Variants in ZNF425 observed in about 807,000 individuals in gnomAD.
The protein encoded by ZNF425 is zinc finger protein 425.
A neutral mutation model predicts 17.0 loss-of-function variants in ZNF425; 21 were observed. The ratio of observed to expected loss-of-function variants is 1.23; its 90% CI spans 0.88 to 1.78. The LOEUF is 1.78. Ranked by LOEUF, ZNF425 falls within the 40% of genes most tolerant of loss-of-function variation. ZNF425 has a pLI of 0.00. For synonymous variants in ZNF425, 433 were observed against 384.1 expected (o/e 1.13, Z -1.49); for missense variants, 868 against 967.3 (o/e 0.90, Z 1.36).
At chr7:149,118,173 T>G in intron 2 of ZNF425, 49 bp downstream of exon 2, 1 of 1,611,114 alleles carries the variant, frequency 6.2e-7, no homozygotes, top group Non-Finnish European at 8.5e-7. Context: ...GGAAGCCTGG[T>G]ACTATTAGGT....
chr7:149,122,910 G>A (rs554198051), intron 1 of ZNF425, among the ~76,000 whole-genome samples: 26 of 152,216 alleles, frequency 1.7e-4, no homozygotes, highest in Non-Finnish European at 1.0e-4. Flanking sequence ...GGCCAGGCTG[G>A]TCTTGAACTC....
At position 149,115,100 on chromosome 7, in the gene ZNF425, ATTTTTTT is replaced by A. The variant is rs71192755; in HGVS notation, c.146-2812_146-2806del. On this transcript the variant is annotated intron_variant, in intron 2 of 3. Coordinates refer to ENST00000378061, the MANE Select transcript of ZNF425 (RefSeq NM_001001661.3). Reference sequence around the variant, plus strand: ...CAGACGTGTGCCACCACGCTGGCTAATTTTTTTTTTTTTTTTTTTTTGTATTTTTAGT... The same window carrying A: ...CAGACGTGTGCCACCACGCTGGCTAATTTTTTTTTTTTTTGTATTTTTAGT... Among the ~76,000 whole-genome samples, 49 of 123,866 alleles carry A rather than the reference ATTTTTTT, an allele frequency of 4.0e-4. 1 individual carries two copies. In the South Asian group the frequency reaches 4.2e-3, roughly 11 times the overall value. 81.3% of individuals were successfully genotyped at this position (123,866 alleles called of 152,430 possible).
Position 149,103,194 on chromosome 7 carries a change from G to A in ZNF425, c.*418C>T, listed in dbSNP as rs1011676357. 20 of 166,452 alleles carry A rather than the reference G, an allele frequency of 1.2e-4. No individual in the cohort carries two copies. Among genetic ancestry groups the A allele is most frequent in the Admixed American group, 4.1e-4 (7 of 17,162 alleles). The allele number at this position is 166,452 out of a possible 1,614,324, so 10.3% of individuals were successfully genotyped here. On this transcript the variant is annotated 3_prime_UTR_variant, in exon 4 of 4. Transcript: ENST00000378061. ...GTTCTGCAGACCACACACCTGTCCA[G>A]TGTGTCTGTAGCCAGTATTTTGTGA...
rs10242924 is a variant in ZNF425, at chr7:149,108,631, C to T, written c.305-3065G>A. Among the ~76,000 whole-genome samples, 1,494 of 152,200 alleles carry T rather than the reference C, an allele frequency of 9.8e-3. 27 individuals carry two copies. Among genetic ancestry groups the T allele is most frequent in the African/African-American group, 0.034 (1,399 of 41,536 alleles). Reference sequence around the variant, plus strand: ...TTCCAGGACTGGGTGTGGTGGCTCACGCCTGTAATCCCAGCACTTTGGGAG... The same window carrying T: ...TTCCAGGACTGGGTGTGGTGGCTCATGCCTGTAATCCCAGCACTTTGGGAG... On this transcript the variant is annotated intron_variant, in intron 3 of 3. Transcript: ENST00000378061.
At chr7:149,122,079 C>CTTTTTTTTT (rs1187182130) in intron 1 of ZNF425, among the ~76,000 whole-genome samples, 10 of 129,094 alleles carry the variant, frequency 7.7e-5, no homozygotes, top group African/African-American at 2.1e-4. Context: ...CCACCGCCGG[C>CTTTTTTTTT]TTTTTTTTTT....
intron 2 of ZNF425, among the ~76,000 whole-genome samples, chr7:149,117,472 C>T (rs1826284164): frequency 6.6e-6 from 1 of 151,968 alleles, no homozygotes; most frequent in Admixed American, 6.6e-5. Flanking sequence ...TGCATCCCAG[C>T]TTATTCTCAC....
chr7:149,122,419 G>A (rs376321290), intron 1 of ZNF425, among the ~76,000 whole-genome samples: 8 of 151,770 alleles, frequency 5.3e-5, no homozygotes, highest in East Asian at 1.9e-4. Context: ...GCCTAGCTGA[G>A]CTCTTTATGT....
intron 1 of ZNF425, among the ~76,000 whole-genome samples, chr7:149,123,933 C>T (rs1826405217): frequency 1.3e-5 from 2 of 150,108 alleles, no homozygotes; most frequent in South Asian, 4.2e-4. Flanking sequence ...CTGCAAGCTC[C>T]GCCTCCCGGG....
intron 1 of ZNF425, among the ~76,000 whole-genome samples, chr7:149,120,697 A>G (rs566609988): frequency 4.7e-4 from 71 of 152,312 alleles, no homozygotes; most frequent in African/African-American, 1.6e-3. Flanking sequence ...AAGCTATACC[A>G]TCTAGGTTTT....
At chr7:149,113,317 A>G (rs981141904) in intron 2 of ZNF425, 3 of 151,896 alleles carry the variant, frequency 2.0e-5, no homozygotes, top group South Asian at 2.1e-4. Flanking sequence ...AATCATTTTC[A>G]TAGTTGACTT....
At position 149,103,981 on chromosome 7, in the gene ZNF425, C is replaced by T. The variant is rs776432303; in HGVS notation, c.1890G>A (p.Leu630=). 1.2e-6 allele frequency: 2 copies of T among 1,613,978 alleles called. No individual in the cohort carries two copies. The highest frequency in any genetic ancestry group is 1.7e-6 in the Non-Finnish European group (2 of 1,179,870). ...RLKGNLKSHL[L]QHSGQKPFSC... ...AGAATGGCTTTTGGCCACTGTGCTG[C>T]AGCAGGTGGCTTTTCAGGTTTCCCT... The change falls in exon 4 of 4, where the codon CTG becomes CTA. Residue 630 remains leucine, a synonymous_variant. Transcript: ENST00000378061.
At chr7:149,115,045 CCA>C (rs1248976142) in intron 2 of ZNF425, among the ~76,000 whole-genome samples, 1 of 150,046 alleles carries the variant, frequency 6.7e-6, no homozygotes, top group Non-Finnish European at 1.5e-5. Context: ...AGCAATCCTC[CCA>C]CCTCAGCCTC....
At position 149,104,068 on chromosome 7, in the gene ZNF425, C is replaced by T; in HGVS notation, c.1803G>A (p.Leu601=). 6 of 1,613,306 alleles carry T rather than the reference C, an allele frequency of 3.7e-6. No individual in the cohort carries two copies. Among genetic ancestry groups the T allele is most frequent in the Non-Finnish European group, 5.1e-6 (6 of 1,179,980 alleles). The change falls in exon 4 of 4, where the codon CTG becomes CTA. Residue 601 remains leucine, a synonymous_variant. Coordinates refer to ENST00000378061, the MANE Select transcript of ZNF425 (RefSeq NM_001001661.3). The surrounding 1 kb of genome is among the most constrained non-coding windows in gnomAD (Gnocchi z 4.3). ...AGGGCTTCTCTCCACTGTGCAGCCT[C>T]AGGTGCTCGGTGAGCTGAGACTGAT... is the stretch of plus-strand genomic sequence containing the variant. ...YTHQSQLTEH[L]RLHSGEKPYQ...
At position 149,117,984 on chromosome 7, in the gene ZNF425, T is replaced by G. The variant is rs79692066; in HGVS notation, c.145+238A>C. Among the ~76,000 whole-genome samples the G allele has an allele frequency of 6.6e-3, 1,006 of 151,996 alleles. 9 individuals are homozygous for G. Among genetic ancestry groups the G allele is most frequent in the Non-Finnish European group, 0.011 (775 of 67,964 alleles). Reference sequence around the variant, plus strand: ...TTAGTAATTCTAATTGTGGGAGACATTGGGGAGGGTTAAGGTAGGAGACAG... The same window carrying G: ...TTAGTAATTCTAATTGTGGGAGACAGTGGGGAGGGTTAAGGTAGGAGACAG... On this transcript the variant is annotated intron_variant, in intron 2 of 3. Transcript: ENST00000378061.
chr7:149,115,500 G>A (rs2129518316), intron 2 of ZNF425, among the ~76,000 whole-genome samples: 1 of 146,488 alleles, frequency 6.8e-6, no homozygotes, highest in East Asian at 2.0e-4. Flanking sequence ...GACCACCCTG[G>A]CCAACATGGT....
chr7:149,106,640 T>G (rs969424583), intron 3 of ZNF425, among the ~76,000 whole-genome samples: 4 of 152,214 alleles, frequency 2.6e-5, no homozygotes, highest in African/African-American at 9.6e-5. Context: ...ATTTAACTTT[T>G]ATATTCTTTT....
intron 1 of ZNF425, among the ~76,000 whole-genome samples, chr7:149,122,894 C>A (rs1585492396): frequency 1.3e-5 from 2 of 152,146 alleles, no homozygotes; most frequent in Middle Eastern, 6.8e-3. Flanking sequence ...GGGGTTTCAC[C>A]ATGTTGGCCA....
At chr7:149,120,775 T>C (rs1333309240) in intron 1 of ZNF425, among the ~76,000 whole-genome samples, 1 of 152,226 alleles carries the variant, frequency 6.6e-6, no homozygotes, top group African/African-American at 2.4e-5. Flanking sequence ...AAACACATTC[T>C]TGTCGTTAAG....
intron 3 of ZNF425, among the ~76,000 whole-genome samples, chr7:149,108,225 T>C (rs1227640403): frequency 6.6e-6 from 1 of 152,078 alleles, no homozygotes; most frequent in East Asian, 1.9e-4. Context: ...TTTGTATTTT[T>C]AGTAGAGACA....
Sources: allele counts gnomAD v4.1 joint callset (sites outside exome capture counted in the v4.1 genomes callset), GRCh38; gene constraint gnomAD v4.1.1; non-coding constraint Gnocchi (gnomAD v3.1); transcripts MANE v1.5; gene names NCBI Gene and HGNC (gene_info 2026-07-23, HGNC 2026-07-21).